The following HRG variants were observed in gnomAD, a reference collection of about 807,000 sequenced individuals.
HRG encodes histidine-rich glycoprotein.
A neutral mutation model predicts 29.5 loss-of-function variants in HRG; 26 were observed. The ratio of observed to expected loss-of-function variants is 0.88; its 90% CI spans 0.65 to 1.22. The LOEUF (loss-of-function observed/expected upper bound fraction) is 1.22. Ranked by LOEUF, HRG falls within the 50% of genes most tolerant of loss-of-function variation. HRG has a pLI of 0.00. For synonymous variants in HRG, 243 were observed against 240.4 expected, an observed-to-expected ratio of 1.01 and a Z score of -0.10; for missense variants, 671 against 654.5, an observed-to-expected ratio of 1.03 and a Z score of -0.28.
chr3:186,676,353 C>G (rs535047500), intron 6 of HRG, among the ~76,000 whole-genome samples: 1 of 151,548 alleles, frequency 6.6e-6, no homozygotes, highest in South Asian at 2.1e-4. Flanking sequence ...TGTTTCACCA[C>G]TCTGTGTAGT....
chr3:186,677,775 G>T lies in HRG; in HGVS notation c.1470G>T (p.Lys490Asn). The T allele has an allele frequency of 6.2e-7, 1 of 1,613,904 alleles. No homozygotes were observed. Residue 490 changes from lysine (K) to asparagine (N), a missense_variant, in exon 7 of 7, where the codon AAG becomes AAT. By Grantham distance (94) the Lys-to-Asn change is moderately conservative (BLOSUM62 0). Coordinates refer to ENST00000232003, the MANE Select transcript of HRG (RefSeq NM_000412.5). Reference sequence around the variant, plus strand: ...TGCCGCACCACAAACATCCTCTAAAGCCAGACAATCAGCCCTTTCCTCAAT... The same window carrying T: ...TGCCGCACCACAAACATCCTCTAAATCCAGACAATCAGCCCTTTCCTCAAT... The part of the protein sequence containing the change: ...FPLPHHKHPL[K>N]PDNQPFPQSV...
At position 186,677,075 on chromosome 3, in the gene HRG, C is replaced by T. The variant is rs150522400; in HGVS notation, c.770C>T (p.Pro257Leu). 837 of 1,614,036 alleles carry T rather than the reference C, an allele frequency of 5.2e-4. 6 individuals are homozygous for T. In the African/African-American group the frequency reaches 1.0e-2, roughly 19 times the overall value. The change falls in exon 7 of 7, where the codon CCT becomes CTT. Residue 257 changes from proline to leucine, a missense_variant. Physicochemically the swap from Pro to Leu is moderately conservative, Grantham distance 98. Coordinates refer to ENST00000232003, the MANE Select transcript of HRG (RefSeq NM_000412.5). ...QEHENINGVP[P>L]HLGHPFHWGG... Reference sequence around the variant, plus strand: ...CATGAGAACATCAATGGTGTACCGCCTCATTTGGGACATCCCTTCCACTGG... The same window carrying T: ...CATGAGAACATCAATGGTGTACCGCTTCATTTGGGACATCCCTTCCACTGG...
chr3:186,677,190 T>C lies in HRG; in HGVS notation c.885T>C (p.His295=). The change falls in exon 7 of 7, where the codon CAT becomes CAC. Residue 295 remains histidine, a synonymous_variant. Transcript: ENST00000232003. ...DHHHPHKPHE[H]GPPPPPDERD... ...ATCATCCCCACAAGCCACACGAACA[T>C]GGACCCCCACCTCCTCCAGATGAAA... is the stretch of plus-strand genomic sequence containing the variant. 1 of 1,613,952 alleles carries C rather than the reference T, an allele frequency of 6.2e-7. No individual in the cohort carries two copies. The highest frequency in any genetic ancestry group is 8.5e-7 in the Non-Finnish European group (1 of 1,179,954).
chr3:186,672,668 A>G (rs1718839228), intron 4 of HRG, 119 bp from the exon 5 acceptor site: 1 of 733,742 alleles, frequency 1.4e-6, no homozygotes, highest in East Asian at 2.7e-5. Flanking sequence ...AAAATGACAC[A>G]TACTGGTGAT....
chr3:186,672,911 G>GA, intron 5 of HRG, 44 bp downstream of exon 5: 2 of 1,273,482 alleles, frequency 1.6e-6, no homozygotes, highest in Non-Finnish European at 2.3e-6. Flanking sequence ...GAGTCACAGA[G>GA]AAAAAAGAAA....
At chr3:186,674,604 G>T (rs1027138797) in intron 5 of HRG, 33 of 233,322 alleles carry the variant, frequency 1.4e-4, no homozygotes, top group Admixed American at 1.1e-3. Context: ...TGGCACTTGG[G>T]TGGAGTCAGC....
intron 6 of HRG, among the ~76,000 whole-genome samples, chr3:186,676,119 TCAGC>T (rs1213208872): frequency 6.6e-6 from 1 of 152,098 alleles, no homozygotes; most frequent in Non-Finnish European, 1.5e-5. Context: ...TCCACCTGCC[TCAGC>T]CTCCCAAAGT....
At position 186,677,254 on chromosome 3, in the gene HRG, C is replaced by A; in HGVS notation, c.949C>A (p.Pro317Thr). ...SHGPPLPQGPPPLLPMSCSSC... is the reference protein window; with the variant it reads ...SHGPPLPQGPTPLLPMSCSSC... ...TGGACCCCCACTTCCACAAGGCCCTCCTCCACTATTGCCCATGTCCTGCTC... is the reference window on the plus strand; with the variant it reads ...TGGACCCCCACTTCCACAAGGCCCTACTCCACTATTGCCCATGTCCTGCTC... Residue 317 changes from proline to threonine, a missense_variant, in exon 7 of 7, where the codon CCT becomes ACT. Physicochemically the swap from Pro to Thr is conservative, Grantham distance 38 (BLOSUM62 -1). Transcript: ENST00000232003. 6.2e-7 allele frequency: 1 copy of A among 1,614,140 alleles called. No individual in the cohort carries two copies.
At chr3:186,670,316 G>T (rs1041409772) in intron 3 of HRG, among the ~76,000 whole-genome samples, 3 of 152,082 alleles carry the variant, frequency 2.0e-5, no homozygotes, top group African/African-American at 4.8e-5. Context: ...ATAGATATAG[G>T]CTTTGGAGTC....
Position 186,677,100 on chromosome 3 carries a change from G to A in HRG, c.795G>A (p.Trp265Ter), listed in dbSNP as rs368320527. The A allele has an allele frequency of 5.0e-6, 8 of 1,613,682 alleles. No individual in the cohort carries two copies. The African/African-American group carries it at 6.7e-5, about 13-fold the overall frequency. Reference protein sequence around the residue: ...VPPHLGHPFHWGGHERSSTTK... With the variant: ...VPPHLGHPFH Reference sequence around the variant, plus strand: ...CTCATTTGGGACATCCCTTCCACTGGGGTGGGCATGAGCGTTCTTCTACCA... The same window carrying A: ...CTCATTTGGGACATCCCTTCCACTGAGGTGGGCATGAGCGTTCTTCTACCA... The change falls in exon 7 of 7, where the codon TGG becomes TGA. Residue 265 changes from tryptophan (W) to a stop codon, truncating the protein, a stop_gained. Coordinates refer to ENST00000232003, the MANE Select transcript of HRG (RefSeq NM_000412.5). LOFTEE classifies it low-confidence loss of function (END_TRUNC).
At chr3:186,670,919 A>G (rs944981165) in intron 3 of HRG, among the ~76,000 whole-genome samples, 30 of 152,184 alleles carry the variant, frequency 2.0e-4, no homozygotes, top group African/African-American at 6.8e-4. Context: ...AAATCCAAAT[A>G]TGATATTATA....
chr3:186,668,025 C>T (rs1178716304), intron 1 of HRG, among the ~76,000 whole-genome samples: 1 of 152,164 alleles, frequency 6.6e-6, no homozygotes, highest in Non-Finnish European at 1.5e-5. Context: ...GAAAGTATCA[C>T]AGAGGGAGGC....
intron 3 of HRG, among the ~76,000 whole-genome samples, chr3:186,671,239 T>A: frequency 1.9e-4 from 1 of 5,390 alleles, no homozygotes; most frequent in East Asian, 0.022. Flanking sequence ...CCTAAATATA[T>A]GATTATATAA....
chr3:186,671,651 T>C lies in HRG; in HGVS notation c.420T>C (p.Asp140=). The C allele has an allele frequency of 1.2e-6, 2 of 1,614,104 alleles. No individual in the cohort carries two copies. The highest frequency in any genetic ancestry group is 1.1e-5 in the South Asian group (1 of 91,082). ...CTTCAGCACTGGCCAATACCAAAGA[T>C]AGTCCGGTCCTCATAGATTTCTTTG... ...SVSSALANTK[D]SPVLIDFFED... Residue 140 remains aspartate, a synonymous_variant, in exon 4 of 7, where the codon GAT becomes GAC. Transcript: ENST00000232003.
rs755269813 is a variant in HRG, at chr3:186,677,692, C to T, written c.1387C>T (p.Pro463Ser). 1 of 1,612,442 alleles carries T rather than the reference C, an allele frequency of 6.2e-7. No homozygotes were observed. The highest frequency in any genetic ancestry group is 8.5e-7 in the Non-Finnish European group (1 of 1,178,566). Residue 463 changes from proline to serine, a missense_variant, in exon 7 of 7, where the codon CCT becomes TCT. By Grantham distance (74) the Pro-to-Ser change is moderately conservative. Coordinates refer to ENST00000232003, the MANE Select transcript of HRG (RefSeq NM_000412.5). ...AATTGGATCTGTGTACCGACTCCCT[C>T]CTCTAAGAAAAGGTGAGGTGCTGCC... The part of the protein sequence containing the change: ...RQIGSVYRLP[P>S]LRKGEVLPLP...
Position 186,677,436 on chromosome 3 carries a change from T to A in HRG, c.1131T>A (p.His377Gln), listed in dbSNP as rs769357817. Residue 377 changes from histidine (H) to glutamine (Q), a missense_variant, in exon 7 of 7, where the codon CAT (histidine) becomes CAA (glutamine). Coordinates refer to ENST00000232003, the MANE Select transcript of HRG (RefSeq NM_000412.5). ...HAHHPHEHDT[H>Q]RQHPHGHHPH... ...ACCATCCTCATGAACATGATACCCA[T>A]AGACAGCATCCCCATGGACACCACC... The A allele has an allele frequency of 3.8e-6, 6 of 1,598,128 alleles. No homozygotes were observed. Among genetic ancestry groups the A allele is most frequent in the Non-Finnish European group, 5.1e-6 (6 of 1,172,160 alleles).
rs372281746 is a variant in HRG at position 186,666,207 on chromosome 3, A to G, written c.176A>G (p.Asp59Gly). ...CTGCGGATTGCTGATGCCCACTTGG[A>G]CAGAGTGGTGAGGAATTGCCAATGG... ...QLLRIADAHL[D>G]RVENTTVYYL... is the part of the protein sequence containing the mutation. Residue 59 changes from aspartate to glycine, a missense_variant, in exon 1 of 7, where the codon GAC becomes GGC. Asp to Gly is a moderately conservative substitution (Grantham distance 94, BLOSUM62 -1). Transcript: ENST00000232003. 1 of 1,613,774 alleles carries G rather than the reference A, an allele frequency of 6.2e-7. No homozygotes were observed. The highest frequency in any genetic ancestry group is 1.3e-5 in the African/African-American group (1 of 74,932).
intron 6 of HRG, 31 bp downstream of exon 6, chr3:186,675,221 A>G: frequency 1.4e-6 from 2 of 1,393,276 alleles, no homozygotes; most frequent in Non-Finnish European, 2.0e-6. Flanking sequence ...TTGTCATGGC[A>G]GTGCCAGATT....
At chr3:186,674,173 A>G (rs1718894272) in intron 5 of HRG, 1 of 152,096 alleles carries the variant, frequency 6.6e-6, no homozygotes, top group Non-Finnish European at 1.5e-5. Context: ...AAACCTTCTT[A>G]GCGCCCACCA....
Sources: allele counts gnomAD v4.1 joint callset (sites outside exome capture counted in the v4.1 genomes callset), GRCh38; gene constraint gnomAD v4.1.1; transcripts MANE v1.5; gene names NCBI Gene and HGNC (gene_info 2026-07-23, HGNC 2026-07-21).